The following MAGI2 variants were observed in gnomAD, a reference collection of about 807,000 sequenced individuals.
The protein encoded by MAGI2 is membrane associated guanylate kinase, WW and PDZ domain containing 2, also known as membrane-associated guanylate kinase, WW and PDZ domain-containing protein 2.
A neutral mutation model predicts 133.3 loss-of-function variants in MAGI2; 35 were observed. That is an observed-to-expected ratio of 0.26 (90% CI 0.20 to 0.35). MAGI2 has a LOEUF of 0.35. Ranked by LOEUF, MAGI2 falls within the 10% of genes least tolerant of loss-of-function variation. The probability of loss-of-function intolerance (pLI) is 1.00; values close to 1 mark genes in which losing one functional copy is unlikely to be tolerated. For synonymous variants in MAGI2, 729 were observed against 710.6 expected, an observed-to-expected ratio of 1.03 and a Z score of -0.41; for missense variants, 1,636 against 1,863.4, an observed-to-expected ratio of 0.88 and a Z score of 2.25.
At chr7:79,294,601 G>T (rs1285371485) in intron 1 of MAGI2, among the ~76,000 whole-genome samples, 1 of 151,710 alleles carries the variant, frequency 6.6e-6, no homozygotes, top group Non-Finnish European at 1.5e-5. Context: ...AGGATATCTT[G>T]CTGAGGAGTT....
chr7:78,468,498 T>G (rs1304283747), intron 6 of MAGI2, among the ~76,000 whole-genome samples: 1 of 152,190 alleles, frequency 6.6e-6, no homozygotes, highest in Non-Finnish European at 1.5e-5. Flanking sequence ...GCTGTCATTC[T>G]TGCTTTTACA....
At chr7:78,227,843 TACTC>T (rs1055772389) in intron 10 of MAGI2, among the ~76,000 whole-genome samples, 12 of 135,208 alleles carry the variant, frequency 8.9e-5, no homozygotes, top group Middle Eastern at 3.5e-3. Context: ...ACTGCCTTCT[TACTC>T]AGTTGTGTGT....
At chr7:78,662,680 A>G (rs1813102608) in intron 2 of MAGI2, among the ~76,000 whole-genome samples, 1 of 152,220 alleles carries the variant, frequency 6.6e-6, no homozygotes, top group African/African-American at 2.4e-5. Context: ...CAAAAAAGAA[A>G]TGGGGAAAAA....
At chr7:78,729,360 CA>C (rs1177154633) in intron 2 of MAGI2, among the ~76,000 whole-genome samples, 1 of 152,122 alleles carries the variant, frequency 6.6e-6, no homozygotes, top group Admixed American at 6.5e-5. Flanking sequence ...GGATCAAAGA[CA>C]AACAGAAGAC....
At position 78,597,377 on chromosome 7, in the gene MAGI2, G is replaced by C. The variant is rs919076994; in HGVS notation, c.538+29743C>G. 3.4e-5 allele frequency among the ~76,000 whole-genome samples: 4 copies of C among 116,652 alleles called. No homozygotes were observed. In the East Asian group the frequency reaches 7.1e-4, roughly 21 times the overall value. The allele number at this position is 116,652 out of a possible 152,430, so 76.5% of individuals were successfully genotyped here. On this transcript the variant is annotated intron_variant, in intron 3 of 21. Transcript: ENST00000354212. The stretch of plus-strand genomic sequence containing the variant: ...ACAGTAAAATAAATGAATTCCTTGG[G>C]GGGGGGGGTCTTATAAATAATTTTA...
In MAGI2 at chr7:79,183,579, AT is replaced by A. The variant is rs1020985008; in HGVS notation, c.302-176374del. Among the ~76,000 whole-genome samples, 28 of 151,922 alleles carry A rather than the reference AT, an allele frequency of 1.8e-4. 1 individual carries two copies. Among genetic ancestry groups the A allele is most frequent in the African/African-American group, 6.0e-4 (25 of 41,410 alleles). On this transcript the variant is annotated intron_variant, in intron 1 of 21. Coordinates refer to ENST00000354212, the MANE Select transcript of MAGI2 (RefSeq NM_012301.4). ...TTCCCAGTCTGCAGCTAGATCTTTT[AT>A]TTTCTAAAGAATTCCCAATATTCAT...
At chr7:78,281,278 C>T (rs191149615) in intron 9 of MAGI2, among the ~76,000 whole-genome samples, 1 of 151,616 alleles carries the variant, frequency 6.6e-6, no homozygotes, top group East Asian at 1.9e-4. Context: ...GTGTCCCCAC[C>T]CAAAATCTCA....
intron 6 of MAGI2, among the ~76,000 whole-genome samples, chr7:78,413,212 T>C (rs1296971197): frequency 6.6e-6 from 1 of 152,108 alleles, no homozygotes; most frequent in East Asian, 1.9e-4. Flanking sequence ...CTTAGACATT[T>C]TAGGACTCTG....
chr7:78,418,430 A>C (rs1230462840), intron 6 of MAGI2, among the ~76,000 whole-genome samples: 1 of 152,126 alleles, frequency 6.6e-6, no homozygotes, highest in East Asian at 1.9e-4. Context: ...AGCTGAAAGG[A>C]GAACAGTGGT....
chr7:79,268,463 C>T (rs1834639007), intron 1 of MAGI2, among the ~76,000 whole-genome samples: 2 of 152,150 alleles, frequency 1.3e-5, no homozygotes, highest in African/African-American at 4.8e-5. Flanking sequence ...AAATATGTAG[C>T]TTTCCTAGCG....
intron 20 of MAGI2, among the ~76,000 whole-genome samples, chr7:78,109,303 C>CAAAAAAAAAAAAAAAAAAAAAAA (rs71085511): frequency 5.0e-5 from 1 of 19,948 alleles, no homozygotes; most frequent in Non-Finnish European, 8.5e-5. Context: ...GACTCCGTCT[C>CAAAAAAAAAAAAAAAAAAAAAAA]AAAAAAAAAA....
chr7:78,344,324 G>A (rs1442095279), intron 8 of MAGI2, among the ~76,000 whole-genome samples: 1 of 152,168 alleles, frequency 6.6e-6, no homozygotes, highest in African/African-American at 2.4e-5. Context: ...ACAACATCTG[G>A]ATCTGTTCCT....
At chr7:79,188,926 A>G (rs528759036) in intron 1 of MAGI2, among the ~76,000 whole-genome samples, 16 of 152,016 alleles carry the variant, frequency 1.1e-4, no homozygotes, top group African/African-American at 3.9e-4. Flanking sequence ...TTTTCTTCCT[A>G]AATACAATAT....
chr7:78,857,882 C>G (rs1793798324), intron 2 of MAGI2, among the ~76,000 whole-genome samples: 1 of 152,102 alleles, frequency 6.6e-6, no homozygotes, highest in Non-Finnish European at 1.5e-5. Context: ...CCGTCTGGTC[C>G]TGGATTTTTT....
intron 9 of MAGI2, among the ~76,000 whole-genome samples, chr7:78,312,016 C>T (rs1480435384): frequency 6.6e-5 from 10 of 152,042 alleles, no homozygotes; most frequent in Non-Finnish European, 1.2e-4. Flanking sequence ...AGTGATCTGC[C>T]GGCCGGCCTC....
chr7:78,969,455 G>C (rs1347931888), intron 2 of MAGI2, among the ~76,000 whole-genome samples: 1 of 151,906 alleles, frequency 6.6e-6, no homozygotes, highest in Non-Finnish European at 1.5e-5. Flanking sequence ...GTGTGTGTTC[G>C]TGTCATTAAT....
intron 1 of MAGI2, among the ~76,000 whole-genome samples, chr7:79,063,074 A>ATT (rs909580033): frequency 6.6e-6 from 1 of 152,098 alleles, no homozygotes; most frequent in African/African-American, 2.4e-5. Context: ...TTCAAAAGTA[A>ATT]TTTGCAAAAA....
chr7:78,234,780 C>T (rs549315049), intron 10 of MAGI2, among the ~76,000 whole-genome samples: 29 of 152,184 alleles, frequency 1.9e-4, no homozygotes, highest in African/African-American at 5.5e-4. Context: ...ACAGGCTTCA[C>T]GGCAAGATTT....
At chr7:78,635,751 G>C (rs1264602195) in intron 2 of MAGI2, among the ~76,000 whole-genome samples, 1 of 152,118 alleles carries the variant, frequency 6.6e-6, no homozygotes, top group South Asian at 2.1e-4. Context: ...ACTTAAGTTG[G>C]TCACAGTTAC....
Sources: gnomAD v4.1 joint callset for allele counts (sites outside exome capture counted in the v4.1 genomes callset) on GRCh38, gnomAD v4.1.1 for gene constraint, MANE v1.5 for transcripts, NCBI Gene and HGNC (gene_info 2026-07-23, HGNC 2026-07-21) for gene names.